Variants in UBE2E2 observed in about 807,000 individuals in gnomAD.
The protein encoded by UBE2E2 is ubiquitin conjugating enzyme E2 E2.
UBE2E2 carries 6 observed loss-of-function variants against 24.7 expected under a neutral mutation model. The observed-to-expected ratio is 0.24, with a 90% CI of 0.13 to 0.48. The LOEUF is 0.48. UBE2E2 is among the 20% of genes least tolerant of loss of function. The pLI is 0.99. For missense variants in UBE2E2, 169 were observed against 245.0 expected (o/e 0.69, Z 2.07); for synonymous variants, 104 against 83.6 (o/e 1.24, Z -1.33).
In UBE2E2 at chr3:23,266,836, G is replaced by T; in HGVS notation, c.227+49524G>T. ...TCTCCTCAGCAAATGTAAAAGAACA[G>T]AAATTATAACAAACTGTCTCTCAGA... On this transcript the variant is annotated intron_variant, in intron 3 of 5. Coordinates refer to ENST00000396703, the MANE Select transcript of UBE2E2 (RefSeq NM_152653.4). Among the ~76,000 whole-genome samples, 2 of 152,146 alleles carry T rather than the reference G, an allele frequency of 1.3e-5. 1 individual carries two copies. Among genetic ancestry groups the T allele is most frequent in the East Asian group, 3.8e-4 (2 of 5,202 alleles).
chr3:23,528,438 G>A (rs763043252), intron 4 of UBE2E2, among the ~76,000 whole-genome samples: 2 of 152,200 alleles, frequency 1.3e-5, no homozygotes, highest in African/African-American at 2.4e-5. Context: ...GAGGCAGGGC[G>A]AGCTGCTGAA....
chr3:23,288,053 G>C (rs1698666697), intron 3 of UBE2E2, among the ~76,000 whole-genome samples: 1 of 151,784 alleles, frequency 6.6e-6, no homozygotes, highest in Non-Finnish European at 1.5e-5. Context: ...TTTGATGCAG[G>C]CACTTGGAAG....
chr3:23,369,960 C>T lies in UBE2E2; in HGVS notation c.228-129648C>T, dbSNP rs777347170. Among the ~76,000 whole-genome samples the T allele has an allele frequency of 2.6e-4, 39 of 152,180 alleles. No individual in the cohort carries two copies. In the Middle Eastern group the frequency reaches 0.01, roughly 40 times the overall value. ...AAAGTTGTCAGAAATCTTTATTTTA[C>T]ATCTGTTCCCCCTTTAGATACTAAT... is the stretch of plus-strand genomic sequence containing the variant. On this transcript the variant is annotated intron_variant, in intron 3 of 5. Transcript: ENST00000396703.
rs5847236 is a variant in UBE2E2 at position 23,512,195 on chromosome 3, C to CT, written c.360+12470dup. Among the ~76,000 whole-genome samples the CT allele has an allele frequency of 7.4e-3, 1,008 of 135,906 alleles. 12 individuals are homozygous for CT. The highest frequency in any genetic ancestry group is 0.019 in the African/African-American group (697 of 37,192). The allele number at this position is 135,906 out of a possible 152,430, so 89.2% of individuals were successfully genotyped here. On this transcript the variant is annotated intron_variant, in intron 4 of 5. Coordinates refer to ENST00000396703, the MANE Select transcript of UBE2E2 (RefSeq NM_152653.4). ...CAGCCTTTCTTTCCTGCCTGCCTGC[C>CT]TTTTTTTTTTTTTTTCTATTTATTT...
intron 3 of UBE2E2, among the ~76,000 whole-genome samples, chr3:23,361,636 A>G (rs1263071924): frequency 3.3e-5 from 5 of 152,220 alleles, no homozygotes; most frequent in East Asian, 3.8e-4. Flanking sequence ...ATGAGGATGC[A>G]AAGGCATAAG....
chr3:23,289,588 C>G (rs1456431155), intron 3 of UBE2E2, among the ~76,000 whole-genome samples: 1 of 152,220 alleles, frequency 6.6e-6, no homozygotes, highest in Non-Finnish European at 1.5e-5. Context: ...CTTTAAAATA[C>G]TGTACTGTGT....
intron 3 of UBE2E2, among the ~76,000 whole-genome samples, chr3:23,218,781 A>G (rs1003636249): frequency 1.3e-5 from 2 of 152,194 alleles, no homozygotes; most frequent in Non-Finnish European, 1.5e-5. Context: ...CAATTTTGCT[A>G]TTAGATAAAT....
chr3:23,518,650 G>C (rs962499022), intron 4 of UBE2E2, among the ~76,000 whole-genome samples: 7 of 152,138 alleles, frequency 4.6e-5, no homozygotes, highest in Non-Finnish European at 8.8e-5. Context: ...ATTCTCCACA[G>C]TGGGTTCCAG....
chr3:23,346,801 T>C (rs1307926085), intron 3 of UBE2E2, among the ~76,000 whole-genome samples: 3 of 152,246 alleles, frequency 2.0e-5, no homozygotes, highest in African/African-American at 7.2e-5. Flanking sequence ...GTTGATTCTT[T>C]GTGATGTTTT....
chr3:23,255,376 G>C (rs1263436473), intron 3 of UBE2E2, among the ~76,000 whole-genome samples: 1 of 151,876 alleles, frequency 6.6e-6, no homozygotes, highest in East Asian at 1.9e-4. Context: ...TTACAGGCGT[G>C]AGCTACCATG....
Position 23,474,252 on chromosome 3 carries a change from T to C in UBE2E2, c.228-25356T>C, listed in dbSNP as rs1699082181. Reference sequence around the variant, plus strand: ...GATGGGATTGTTGTTTTTCTCCTGTTAATTGTTTAAGTACCTTGTAGATTC... The same window carrying C: ...GATGGGATTGTTGTTTTTCTCCTGTCAATTGTTTAAGTACCTTGTAGATTC... On this transcript the variant is annotated intron_variant, in intron 3 of 5. Coordinates refer to ENST00000396703, the MANE Select transcript of UBE2E2 (RefSeq NM_152653.4). The surrounding 1 kb of genome is among the most constrained non-coding windows in gnomAD (Gnocchi z 4.0). Among the ~76,000 whole-genome samples, 2 of 152,056 alleles carry C rather than the reference T, an allele frequency of 1.3e-5. No homozygotes were observed. The highest frequency in any genetic ancestry group is 2.9e-5 in the Non-Finnish European group (2 of 68,030).
At chr3:23,272,117 C>G (rs1054241372) in intron 3 of UBE2E2, among the ~76,000 whole-genome samples, 25 of 152,166 alleles carry the variant, frequency 1.6e-4, no homozygotes, top group African/African-American at 6.0e-4. Context: ...ATGCTGGAGC[C>G]CACCGCCAGG....
At chr3:23,502,175 T>C (rs1699737075) in intron 4 of UBE2E2, among the ~76,000 whole-genome samples, 2 of 152,032 alleles carry the variant, frequency 1.3e-5, no homozygotes, top group Admixed American at 6.6e-5. Context: ...AAATAGTACA[T>C]GTTTCAAGTT....
intron 3 of UBE2E2, among the ~76,000 whole-genome samples, chr3:23,333,033 G>A (rs962516872): frequency 2.0e-5 from 3 of 152,140 alleles, no homozygotes; most frequent in African/African-American, 7.2e-5. Flanking sequence ...TGACATTGGT[G>A]ATGTATTACT....
intron 3 of UBE2E2, among the ~76,000 whole-genome samples, chr3:23,416,844 C>A (rs1463338888): frequency 1.3e-5 from 2 of 152,096 alleles, no homozygotes; most frequent in Non-Finnish European, 2.9e-5. Context: ...ATCAATTCGG[C>A]TATTGATACT....
In UBE2E2 at chr3:23,257,512, GCCCCCC is replaced by G. The variant is rs5847227; in HGVS notation, c.227+40211_227+40216del. 7.4e-4 allele frequency among the ~76,000 whole-genome samples: 23 copies of G among 31,158 alleles called. 1 individual carries two copies. The highest frequency in any genetic ancestry group is 2.3e-3 in the East Asian group (2 of 856). 20.4% of individuals were successfully genotyped at this position (31,158 alleles called of 152,430 possible). A position where few individuals can be genotyped will look rare whatever the true frequency, so the allele number is the denominator to read the frequency against. On this transcript the variant is annotated intron_variant, in intron 3 of 5. Coordinates refer to ENST00000396703, the MANE Select transcript of UBE2E2 (RefSeq NM_152653.4). ...GGAATTTCTTCTGGCTGTTTCCCGTGCCCCCCCCCCCCCCCCACTTTTTTTTTTTTT... is the reference window on the plus strand; with the variant it reads ...GGAATTTCTTCTGGCTGTTTCCCGTGCCCCCCCCCCACTTTTTTTTTTTTT...
At chr3:23,326,830 C>A (rs575912429) in intron 3 of UBE2E2, among the ~76,000 whole-genome samples, 2 of 152,320 alleles carry the variant, frequency 1.3e-5, no homozygotes, top group Admixed American at 1.3e-4. Flanking sequence ...CCACTCCCCC[C>A]ACCCCACCAC....
At chr3:23,327,119 T>A (rs1194872461) in intron 3 of UBE2E2, among the ~76,000 whole-genome samples, 1 of 152,216 alleles carries the variant, frequency 6.6e-6, no homozygotes, top group Non-Finnish European at 1.5e-5. Flanking sequence ...TTGTGAATAG[T>A]GCTGCAATAA....
intron 3 of UBE2E2, among the ~76,000 whole-genome samples, chr3:23,366,212 G>C (rs1391654525): frequency 6.6e-6 from 1 of 152,200 alleles, no homozygotes; most frequent in Non-Finnish European, 1.5e-5. Flanking sequence ...TACACTGCTG[G>C]TGTGTGTAAA....
Sources: allele counts gnomAD v4.1 joint callset (sites outside exome capture counted in the v4.1 genomes callset), GRCh38; gene constraint gnomAD v4.1.1; non-coding constraint Gnocchi (gnomAD v3.1); transcripts MANE v1.5; gene names NCBI Gene and HGNC (gene_info 2026-07-23, HGNC 2026-07-21).